Variants in SETX observed in about 807,000 individuals in gnomAD.
The protein encoded by SETX is helicase senataxin.
SETX carries 90 observed loss-of-function variants against 227.2 expected under a neutral mutation model. That is an observed-to-expected ratio of 0.40 (90% CI 0.33 to 0.47). SETX has a LOEUF of 0.47. Among genes scored for constraint, SETX ranks in the 20% least tolerant of loss-of-function variants. SETX has a pLI of 0.91. For synonymous variants in SETX, 1,210 were observed against 1,113.2 expected, an observed-to-expected ratio of 1.09 and a Z score of -1.73; for missense variants, 3,052 against 3,181.5, an observed-to-expected ratio of 0.96 and a Z score of 0.98.
At position 132,327,104 on chromosome 9, in the gene SETX, T is replaced by C. The variant is rs1388250097; in HGVS notation, c.4494A>G (p.Leu1498=). ...SSDAEEDNLF[L]TQNDPEDMDL... ...CCATATCTTCAGGATCATTTTGGGTTAAAAATAAGTTATCTTCCTCTGCAT... is the reference window on the plus strand; with the variant it reads ...CCATATCTTCAGGATCATTTTGGGTCAAAAATAAGTTATCTTCCTCTGCAT... The change falls in exon 10 of 26, where the codon TTA becomes TTG. Residue 1498 remains leucine (L), a synonymous_variant. Coordinates refer to ENST00000224140, the MANE Select transcript of SETX (RefSeq NM_015046.7). 1.2e-6 allele frequency: 2 copies of C among 1,614,106 alleles called. No individual in the cohort carries two copies. The highest frequency in any genetic ancestry group is 1.7e-6 in the Non-Finnish European group (2 of 1,180,050).
chr9:132,341,343 C>A (rs542489101), intron 5 of SETX, among the ~76,000 whole-genome samples: 1 of 152,244 alleles, frequency 6.6e-6, no homozygotes, highest in Admixed American at 6.5e-5. Context: ...AGAGAAAGGA[C>A]CAACAGTGCT....
chr9:132,346,208 T>C lies in SETX; in HGVS notation c.388+53A>G, dbSNP rs2131556837. On this transcript the variant is annotated intron_variant, in intron 4 of 25. Coordinates refer to ENST00000224140, the MANE Select transcript of SETX (RefSeq NM_015046.7). Reference sequence around the variant, plus strand: ...CAATATAGATAAGCCTAAATTCTTATGGTACTAAAATAATAAAACTGATAT... The same window carrying C: ...CAATATAGATAAGCCTAAATTCTTACGGTACTAAAATAATAAAACTGATAT... The C allele has an allele frequency of 5.6e-6, 8 of 1,424,804 alleles. No individual in the cohort carries two copies. The East Asian group carries it at 9.2e-5, about 16-fold the overall frequency. The allele number at this position is 1,424,804 out of a possible 1,614,324, so 88.3% of individuals were successfully genotyped here.
chr9:132,295,742 G>T (rs952074629), intron 15 of SETX, 130 bp downstream of exon 15: 2 of 861,030 alleles, frequency 2.3e-6, no homozygotes, highest in Non-Finnish European at 3.7e-6. Flanking sequence ...CTTGCTAAAT[G>T]AACTCACAAG....
chr9:132,278,200 C>T lies in SETX; in HGVS notation c.6712G>A (p.Glu2238Lys), dbSNP rs2131182464. 6.2e-7 allele frequency: 1 copy of T among 1,614,182 alleles called. No individual in the cohort carries two copies. Among genetic ancestry groups the T allele is most frequent in the Non-Finnish European group, 8.5e-7 (1 of 1,180,030 alleles). Residue 2238 changes from glutamate to lysine, a missense_variant, in exon 21 of 26, where the codon GAA becomes AAA. Physicochemically the swap from Glu to Lys is moderately conservative, Grantham distance 56. Coordinates refer to ENST00000224140, the MANE Select transcript of SETX (RefSeq NM_015046.7). ...SMMARFCRLL[E>K]ENVEHNMISR... ...ATCATGTTGTGTTCTACATTCTCTT[C>T]CAGCAGTCTGCAGAAGCGAGCCATC... is the stretch of plus-strand genomic sequence containing the variant.
At position 132,321,245 on chromosome 9, in the gene SETX, C is replaced by T. The variant is rs745699558; in HGVS notation, c.5274+5079G>A. On this transcript the variant is annotated intron_variant, in intron 10 of 25. Transcript: ENST00000224140. ...AGACTAAAGACATTGGGAGGCCGGGCGCGGTGGCTCACGCCTGTAATCCCA... is the reference window on the plus strand; with the variant it reads ...AGACTAAAGACATTGGGAGGCCGGGTGCGGTGGCTCACGCCTGTAATCCCA... Among the ~76,000 whole-genome samples, 11 of 152,168 alleles carry T rather than the reference C, an allele frequency of 7.2e-5. No individual in the cohort carries two copies. The East Asian group carries it at 9.6e-4, about 13-fold the overall frequency.
At chr9:132,355,588 C>G (rs1203864326), upstream of SETX, among the ~76,000 whole-genome samples, 1 of 152,194 alleles carries the variant, frequency 6.6e-6, no homozygotes, top group African/African-American at 2.4e-5. Context: ...GCTTCTAATC[C>G]CACCACTTTG....
At chr9:132,320,843 T>G (rs11243730) in intron 10 of SETX, among the ~76,000 whole-genome samples, 1 of 151,692 alleles carries the variant, frequency 6.6e-6, no homozygotes, top group East Asian at 1.9e-4. Flanking sequence ...GAGACAACAG[T>G]AACCACACTT....
chr9:132,346,178 A>C, intron 4 of SETX, 83 bp downstream of exon 4: 1 of 1,124,228 alleles, frequency 8.9e-7, no homozygotes, highest in Non-Finnish European at 1.3e-6. Flanking sequence ...TAGCAAACAA[A>C]TTTGCAATAT....
In SETX at chr9:132,288,541, A is replaced by C. The variant is rs760934318; in HGVS notation, c.6208+9T>G. ...GAAAACACTAGTATATACCACATTC[A>C]GTACTTACTCATTCTGTGGTTTACT... On this transcript the variant is annotated intron_variant, in intron 16 of 25. Coordinates refer to ENST00000224140, the MANE Select transcript of SETX (RefSeq NM_015046.7). 2 of 1,589,734 alleles carry C rather than the reference A, an allele frequency of 1.3e-6. No individual in the cohort carries two copies. Among genetic ancestry groups the C allele is most frequent in the Admixed American group, 3.3e-5 (2 of 60,000 alleles).
At chr9:132,321,984 T>A (rs920365666) in intron 10 of SETX, among the ~76,000 whole-genome samples, 2 of 152,208 alleles carry the variant, frequency 1.3e-5, no homozygotes, top group African/African-American at 4.8e-5. Context: ...TTTATATATA[T>A]AACAAAATAC....
chr9:132,327,039 A>T lies in SETX; in HGVS notation c.4559T>A (p.Ile1520Asn), dbSNP rs767954870. The change falls in exon 10 of 26, where the codon ATT becomes AAT. Residue 1520 changes from isoleucine (I) to asparagine (N), a missense_variant. Ile to Asn is a moderately radical substitution (Grantham distance 149). Transcript: ENST00000224140. ...SQMENDNYKL[I>N]ELIHGKDTVE... ...TGTATCTTTTCCATGAATTAGTTCA[A>T]TGAGTTTATAATTGTCATTCTCCAT... is the stretch of plus-strand genomic sequence containing the variant. The T allele has an allele frequency of 6.2e-7, 1 of 1,614,186 alleles. No homozygotes were observed. Among genetic ancestry groups the T allele is most frequent in the Non-Finnish European group, 8.5e-7 (1 of 1,179,998 alleles).
rs1421665944 is a variant in SETX, at chr9:132,278,107, A to T, written c.6805T>A (p.Ser2269Thr). Residue 2269 changes from serine (S) to threonine (T), a missense_variant, in exon 21 of 26, where the codon TCT becomes ACT. Ser to Thr is a moderately conservative substitution (Grantham distance 58). Around this residue, in one of 10 missense-constraint regions of SETX, gnomAD observed 412 missense variants for 589.0 expected, o/e 0.70. Transcript: ENST00000224140. ...RMHPDICLFP[S>T]NYVYNRNLKT... ...AAGTTTCTGTTATAAACATAATTAG[A>T]AGGGAAGAGGCATATGTCTGGATGC... 4 of 1,613,990 alleles carry T rather than the reference A, an allele frequency of 2.5e-6. No individual in the cohort carries two copies. The highest frequency in any genetic ancestry group is 3.4e-6 in the Non-Finnish European group (4 of 1,179,980).
At chr9:132,324,746 A>ATT (rs1856529525) in intron 10 of SETX, among the ~76,000 whole-genome samples, 1 of 152,154 alleles carries the variant, frequency 6.6e-6, no homozygotes, top group African/African-American at 2.4e-5. Flanking sequence ...AGGCACTCAA[A>ATT]TATCTATCAA....
In SETX at chr9:132,337,683, T is replaced by C. The variant is rs959837031; in HGVS notation, c.499-1168A>G. ...TCCATGAGACCTTACTGATAATAAG[T>C]GGTAGAAGGGGAAAAGACTCTTGAT... On this transcript the variant is annotated intron_variant, in intron 5 of 25. Transcript: ENST00000224140. 1.1e-4 allele frequency among the ~76,000 whole-genome samples: 16 copies of C among 151,982 alleles called. 1 individual carries two copies. Among genetic ancestry groups the C allele is most frequent in the African/African-American group, 3.9e-4 (16 of 41,348 alleles).
At chr9:132,325,912 A>G (rs943593738) in intron 10 of SETX, among the ~76,000 whole-genome samples, 3 of 148,916 alleles carry the variant, frequency 2.0e-5, no homozygotes, top group African/African-American at 7.5e-5. Context: ...CAGCCTGGGC[A>G]GCAAGAGCAA....
In SETX at chr9:132,264,675, T is replaced by C. The variant is rs779411081; in HGVS notation, c.7598A>G (p.His2533Arg). The change falls in exon 26 of 26, where the codon CAT becomes CGT. Residue 2533 changes from histidine (H) to arginine (R), a missense_variant. By Grantham distance (29) the His-to-Arg change is conservative. Transcript: ENST00000224140. ...CAGTCGTGGGTCCTGAAGTTGGTCA[T>C]GAACAGGAGGTCTTTCAGGGTCCTT... ...TSKDPERPPV[H>R]DQLQDPRLLK... is the part of the protein sequence containing the mutation. The C allele has an allele frequency of 6.2e-7, 1 of 1,614,098 alleles. No homozygotes were observed. Among genetic ancestry groups the C allele is most frequent in the African/African-American group, 1.3e-5 (1 of 74,926 alleles).
In SETX at chr9:132,335,311, AACC is replaced by A. The variant is rs1564554614; in HGVS notation, c.719-587_719-585del. Among the ~76,000 whole-genome samples, 34 of 142,982 alleles carry A rather than the reference AACC, an allele frequency of 2.4e-4. 1 individual carries two copies. The East Asian group carries it at 7.3e-3, about 31-fold the overall frequency. The allele number at this position is 142,982 out of a possible 152,430, so 93.8% of individuals were successfully genotyped here. On this transcript the variant is annotated intron_variant, in intron 6 of 25. Coordinates refer to ENST00000224140, the MANE Select transcript of SETX (RefSeq NM_015046.7). The stretch of plus-strand genomic sequence containing the variant: ...GAGGCTGAGGCAGGAGAATGGCGTG[AACC>A]CAGGAGGCGGATCTTGCAGTGAGCC...
chr9:132,298,437 T>A, intron 12 of SETX, 125 bp from the exon 13 acceptor site: 1 of 841,378 alleles, frequency 1.2e-6, no homozygotes, highest in Non-Finnish European at 1.9e-6. Context: ...ATTTACCCAG[T>A]AAATATTTAT....
At position 132,327,123 on chromosome 9, in the gene SETX, T is replaced by C. The variant is rs1272061496; in HGVS notation, c.4475A>G (p.Glu1492Gly). Residue 1492 changes from glutamate to glycine, a missense_variant, in exon 10 of 26, where the codon GAG (glutamate) becomes GGG (glycine). This residue lies in a region of SETX where 1,483 missense variants were observed against 1,312.0 expected (regional missense o/e 1.13). Coordinates refer to ENST00000224140, the MANE Select transcript of SETX (RefSeq NM_015046.7). ...TTGGGTTAAAAATAAGTTATCTTCC[T>C]CTGCATCACTGCTGGAGTCAGGCTC... ...EGEPDSSSDA[E>G]EDNLFLTQND... is the part of the protein sequence containing the mutation. 8 of 1,614,244 alleles carry C rather than the reference T, an allele frequency of 5.0e-6. No individual in the cohort carries two copies. The highest frequency in any genetic ancestry group is 6.8e-6 in the Non-Finnish European group (8 of 1,180,050).
Sources: gnomAD v4.1 joint callset for allele counts (sites outside exome capture counted in the v4.1 genomes callset) on GRCh38, gnomAD v4.1.1 for gene constraint, gnomAD v4.1.1 regional missense constraint, MANE v1.5 for transcripts, NCBI Gene and HGNC (gene_info 2026-07-23, HGNC 2026-07-21) for gene names.